The following TMEM135 variants were observed in gnomAD, a reference collection of about 807,000 sequenced individuals.
TMEM135 encodes the protein peroxisomal membrane protein 52.
Under a neutral mutation model 60.3 loss-of-function variants are expected in TMEM135, and 30 were observed. That is an observed-to-expected ratio of 0.50 (90% CI 0.37 to 0.68). The LOEUF is 0.68. Among genes scored for constraint, TMEM135 ranks in the 30% least tolerant of loss-of-function variants. The probability of loss-of-function intolerance (pLI) is 0.00; values close to 1 mark genes in which losing one functional copy is unlikely to be tolerated. For synonymous variants in TMEM135, 190 were observed against 186.7 expected (o/e 1.02, Z -0.14); for missense variants, 468 against 548.8 (o/e 0.85, Z 1.47).
chr11:87,155,426 T>A (rs1224160874), intron 4 of TMEM135, among the ~76,000 whole-genome samples: 3 of 152,262 alleles, frequency 2.0e-5, no homozygotes, highest in South Asian at 4.1e-4. Context: ...TAAATTTATG[T>A]CTTTGATCCA....
intron 6 of TMEM135, among the ~76,000 whole-genome samples, chr11:87,279,290 A>G (rs975021891): frequency 6.6e-6 from 1 of 152,004 alleles, no homozygotes; most frequent in Non-Finnish European, 1.5e-5. Flanking sequence ...TGGTGTGTCT[A>G]CTTCTTTTTT....
chr11:87,139,457 T>C (rs924326668), intron 4 of TMEM135, among the ~76,000 whole-genome samples: 3 of 152,190 alleles, frequency 2.0e-5, no homozygotes, highest in African/African-American at 7.2e-5. Context: ...TCTCTTCCCA[T>C]GTCCTAGATC....
At position 87,060,647 on chromosome 11, in the gene TMEM135, CT is replaced by C. The variant is rs11459506; in HGVS notation, c.142-7034del. On this transcript the variant is annotated intron_variant, in intron 1 of 14. Transcript: ENST00000305494. ...CTCTGTACTTTTTCTTTTTTCTTTC[CT>C]TTTTTTTTTTTTGAGACGGAGTCTC... is the stretch of plus-strand genomic sequence containing the variant. Among the ~76,000 whole-genome samples the C allele has an allele frequency of 3.7e-3, 525 of 143,504 alleles. 4 individuals are homozygous for C. The highest frequency in any genetic ancestry group is 0.02 in the Admixed American group (293 of 14,424). The allele number at this position is 143,504 out of a possible 152,430, so 94.1% of individuals were successfully genotyped here. A position where few individuals can be genotyped will look rare whatever the true frequency, so the allele number is the denominator to read the frequency against.
At chr11:87,155,498 A>T (rs1365057534) in intron 4 of TMEM135, among the ~76,000 whole-genome samples, 1 of 152,100 alleles carries the variant, frequency 6.6e-6, no homozygotes, top group Non-Finnish European at 1.5e-5. Flanking sequence ...TTATATGTGG[A>T]TGTAACTGTA....
At chr11:87,167,245 C>T (rs886568378) in intron 5 of TMEM135, among the ~76,000 whole-genome samples, 1 of 152,180 alleles carries the variant, frequency 6.6e-6, no homozygotes, top group South Asian at 2.1e-4. Context: ...ATTATGTCAT[C>T]TGCAAACAGA....
At chr11:87,114,091 A>G (rs1169261755) in intron 4 of TMEM135, among the ~76,000 whole-genome samples, 1 of 152,094 alleles carries the variant, frequency 6.6e-6, no homozygotes, top group Non-Finnish European at 1.5e-5. Flanking sequence ...TGAAGGCAAA[A>G]TATAGACATT....
intron 6 of TMEM135, among the ~76,000 whole-genome samples, chr11:87,282,113 G>T (rs1272228698): frequency 2.0e-5 from 3 of 152,146 alleles, no homozygotes; most frequent in East Asian, 3.8e-4. Flanking sequence ...TGGGGACCAA[G>T]AATTATATTT....
intron 3 of TMEM135, among the ~76,000 whole-genome samples, chr11:87,083,252 T>C (rs1250543685): frequency 6.6e-6 from 1 of 152,182 alleles, no homozygotes; most frequent in Non-Finnish European, 1.5e-5. Context: ...AGGACTCTGA[T>C]CATAGTAACT....
At chr11:87,268,648 G>A (rs531497819) in intron 6 of TMEM135, among the ~76,000 whole-genome samples, 6 of 151,030 alleles carry the variant, frequency 4.0e-5, no homozygotes, top group Non-Finnish European at 7.4e-5. Context: ...ATTTAACAAA[G>A]AATTCTATTT....
intron 6 of TMEM135, among the ~76,000 whole-genome samples, chr11:87,263,711 A>G (rs1290855149): frequency 6.6e-6 from 1 of 152,114 alleles, no homozygotes; most frequent in African/African-American, 2.4e-5. Context: ...AGTAGAGATT[A>G]TGTAATAAGC....
At chr11:87,246,524 C>T (rs947204021) in intron 6 of TMEM135, among the ~76,000 whole-genome samples, 11 of 152,162 alleles carry the variant, frequency 7.2e-5, no homozygotes, top group Admixed American at 2.0e-4. Flanking sequence ...CACATAGTCC[C>T]ATATTTCTTG....
Position 87,239,995 on chromosome 11 carries a change from C to G in TMEM135, c.509+3311C>G, listed in dbSNP as rs1161147993. ...ATAATCAGATTTTCATATTATGCAC[C>G]AGAAGTAAGGCTTACGTTCAAATGG... On this transcript the variant is annotated intron_variant, in intron 6 of 14. Coordinates refer to ENST00000305494, the MANE Select transcript of TMEM135 (RefSeq NM_022918.4). Among the ~76,000 whole-genome samples the G allele has an allele frequency of 3.9e-5, 6 of 151,908 alleles. 1 individual carries two copies. Among genetic ancestry groups the G allele is most frequent in the Admixed American group, 3.9e-4 (6 of 15,224 alleles).
chr11:87,221,766 TG>T (rs1308974734), intron 5 of TMEM135, among the ~76,000 whole-genome samples: 14 of 152,354 alleles, frequency 9.2e-5, no homozygotes, highest in Admixed American at 6.5e-4. Flanking sequence ...TTCATCCCTA[TG>T]TTTATTATCA....
At chr11:87,074,606 C>T (rs752783181) in intron 3 of TMEM135, among the ~76,000 whole-genome samples, 1 of 152,152 alleles carries the variant, frequency 6.6e-6, no homozygotes, top group Non-Finnish European at 1.5e-5. Context: ...TTGTAACAAT[C>T]AACTAGAGTC....
chr11:87,252,755 G>T (rs1941443435), intron 6 of TMEM135, among the ~76,000 whole-genome samples: 2 of 139,724 alleles, frequency 1.4e-5, no homozygotes, highest in African/African-American at 5.4e-5. Flanking sequence ...TGGGCAACAA[G>T]AGCAGAACTA....
At position 87,151,579 on chromosome 11, in the gene TMEM135, C is replaced by A. The variant is rs1938557025; in HGVS notation, c.397-5762C>A. Among the ~76,000 whole-genome samples, 3 of 134,282 alleles carry A rather than the reference C, an allele frequency of 2.2e-5. No individual in the cohort carries two copies. The Admixed American group carries it at 2.3e-4, about 10-fold the overall frequency. 88.1% of individuals were successfully genotyped at this position (134,282 alleles called of 152,430 possible). A position where few individuals can be genotyped will look rare whatever the true frequency, so the allele number is the denominator to read the frequency against. ...AGTTACTTTGAAGCTTATGGAAGCTCACTGTTTTTATTTGTGGGTCTTTTA... is the reference window on the plus strand; with the variant it reads ...AGTTACTTTGAAGCTTATGGAAGCTAACTGTTTTTATTTGTGGGTCTTTTA... On this transcript the variant is annotated intron_variant, in intron 4 of 14. Coordinates refer to ENST00000305494, the MANE Select transcript of TMEM135 (RefSeq NM_022918.4).
chr11:87,288,312 T>A (rs1942205513), intron 6 of TMEM135, among the ~76,000 whole-genome samples: 2 of 152,348 alleles, frequency 1.3e-5, no homozygotes, highest in Admixed American at 6.5e-5. Flanking sequence ...GCAGTGTATA[T>A]CTATCCCAGT....
In TMEM135 at chr11:87,302,392, A is replaced by G. The variant is rs1341779837; in HGVS notation, c.648A>G (p.Lys216=). The stretch of plus-strand genomic sequence containing the variant: ...AAAAGAGAGAGCAACATGAGGAAAA[A>G]CCCGGAAGAATGAATATGATTGGTC... ...VEQKREQHEE[K]PGRMNMIGLV... is the part of the protein sequence containing the mutation. The change falls in exon 8 of 15, where the codon AAA becomes AAG. Residue 216 remains lysine, a synonymous_variant. Coordinates refer to ENST00000305494, the MANE Select transcript of TMEM135 (RefSeq NM_022918.4). 6.2e-6 allele frequency: 10 copies of G among 1,613,734 alleles called. No individual in the cohort carries two copies. In the East Asian group the frequency reaches 2.2e-4, roughly 36 times the overall value.
chr11:87,268,854 T>G (rs1941805539), intron 6 of TMEM135, among the ~76,000 whole-genome samples: 1 of 152,182 alleles, frequency 6.6e-6, no homozygotes, highest in Non-Finnish European at 1.5e-5. Context: ...GGTTTTTCTC[T>G]TAGAAGCCTA....
Sources: gnomAD v4.1 joint callset for allele counts (sites outside exome capture counted in the v4.1 genomes callset) on GRCh38, gnomAD v4.1.1 for gene constraint, MANE v1.5 for transcripts, NCBI Gene and HGNC (gene_info 2026-07-23, HGNC 2026-07-21) for gene names.